The following TMEM74 variants were observed in gnomAD, a reference collection of about 807,000 sequenced individuals.
The protein encoded by TMEM74 is transmembrane protein 74.
Under a neutral mutation model 18.1 loss-of-function variants are expected in TMEM74, and 13 were observed. The observed-to-expected ratio is 0.72, with a 90% CI of 0.47 to 1.14. TMEM74 has a LOEUF of 1.14. Among genes scored for constraint, TMEM74 ranks in the 50% most tolerant of loss-of-function variants. The pLI is 0.00. For missense variants in TMEM74, 372 were observed against 375.9 expected (o/e 0.99, Z 0.09); for synonymous variants, 159 against 146.6 (o/e 1.08, Z -0.61).
chr8:108,645,035 A>G (rs958650160), intron 2 of TMEM74, among the ~76,000 whole-genome samples: 2 of 152,158 alleles, frequency 1.3e-5, no homozygotes, highest in African/African-American at 2.4e-5. Flanking sequence ...CATTCTACCA[A>G]AGAGACACAT....
intron 2 of TMEM74, among the ~76,000 whole-genome samples, chr8:108,650,969 G>A (rs137930158): frequency 6.6e-6 from 1 of 151,904 alleles, no homozygotes; most frequent in Non-Finnish European, 1.5e-5. Context: ...CCTCGGCCTC[G>A]CAAAGTGTTG....
intron 1 of TMEM74, among the ~76,000 whole-genome samples, chr8:108,676,947 G>A (rs1038398047): frequency 6.6e-6 from 1 of 152,250 alleles, no homozygotes; most frequent in Non-Finnish European, 1.5e-5. Flanking sequence ...TCTTATAGAT[G>A]TTGAGGAAAA....
At chr8:108,771,665 G>A (rs1432233370) in intron 1 of TMEM74, among the ~76,000 whole-genome samples, 1 of 152,170 alleles carries the variant, frequency 6.6e-6, no homozygotes, top group Admixed American at 6.5e-5. Context: ...ATGTTTAGTG[G>A]TTGTACAGCA....
chr8:108,624,274 T>C (rs1812471930), intron 2 of TMEM74, among the ~76,000 whole-genome samples: 1 of 152,104 alleles, frequency 6.6e-6, no homozygotes, highest in South Asian at 2.1e-4. Context: ...GCCAGTCAGA[T>C]AGAAAGGTAG....
chr8:108,648,517 T>C (rs1021296559), intron 2 of TMEM74, among the ~76,000 whole-genome samples: 1 of 152,160 alleles, frequency 6.6e-6, no homozygotes, highest in African/African-American at 2.4e-5. Context: ...ACTTTGAAGA[T>C]ATGACTAAGC....
At chr8:108,684,904 C>T (rs989581179) in intron 1 of TMEM74, among the ~76,000 whole-genome samples, 1 of 151,642 alleles carries the variant, frequency 6.6e-6, no homozygotes, top group East Asian at 1.9e-4. Context: ...CTCAAGATTG[C>T]TTTGTCTATT....
chr8:108,651,383 C>A (rs937320612), intron 2 of TMEM74, among the ~76,000 whole-genome samples: 1 of 152,094 alleles, frequency 6.6e-6, no homozygotes, highest in Non-Finnish European at 1.5e-5. Flanking sequence ...TCTCTTTCAT[C>A]TGAATATAGT....
intron 1 of TMEM74, among the ~76,000 whole-genome samples, chr8:108,744,834 C>T (rs1240599826): frequency 6.6e-6 from 1 of 152,034 alleles, no homozygotes; most frequent in Non-Finnish European, 1.5e-5. Flanking sequence ...TGTGGAGGAA[C>T]CCTTTGTAGA....
chr8:108,618,581 G>T (rs1380036528), intron 2 of TMEM74, among the ~76,000 whole-genome samples: 2 of 152,152 alleles, frequency 1.3e-5, no homozygotes. Context: ...CTTCCGTAAA[G>T]GTTTGGTTCT....
chr8:108,721,836 AT>A (rs1274024329), intron 1 of TMEM74, among the ~76,000 whole-genome samples: 4 of 152,310 alleles, frequency 2.6e-5, no homozygotes, highest in African/African-American at 9.6e-5. Context: ...ACAAAGAACC[AT>A]TGATCTGCTT....
chr8:108,614,478 G>A (rs980691332), intron 2 of TMEM74, among the ~76,000 whole-genome samples: 2 of 152,202 alleles, frequency 1.3e-5, no homozygotes, highest in Non-Finnish European at 2.9e-5. Flanking sequence ...AAAGCAAGAT[G>A]AAAGGAGGAA....
chr8:108,649,189 T>C (rs1812748832), intron 2 of TMEM74, among the ~76,000 whole-genome samples: 3 of 152,162 alleles, frequency 2.0e-5, no homozygotes, highest in Admixed American at 2.0e-4. Flanking sequence ...AAGTCTCATC[T>C]TGAGCATGTT....
intron 1 of TMEM74, among the ~76,000 whole-genome samples, chr8:108,749,025 A>G (rs1586283338): frequency 6.6e-6 from 1 of 152,206 alleles, no homozygotes. Context: ...TACAGAGAAT[A>G]TGTTGTTTTG....
At chr8:108,743,295 A>G (rs1480344812) in intron 1 of TMEM74, among the ~76,000 whole-genome samples, 1 of 152,208 alleles carries the variant, frequency 6.6e-6, no homozygotes, top group East Asian at 1.9e-4. Flanking sequence ...AAGTACACTG[A>G]CAATATTCCC....
At chr8:108,675,545 G>A (rs191953405) in intron 1 of TMEM74, among the ~76,000 whole-genome samples, 5 of 152,284 alleles carry the variant, frequency 3.3e-5, no homozygotes, top group Admixed American at 1.3e-4. Context: ...GTGCTCAAAT[G>A]AATGTTGTTT....
chr8:108,635,924 T>C (rs1356729833), intron 2 of TMEM74, among the ~76,000 whole-genome samples: 1 of 152,090 alleles, frequency 6.6e-6, no homozygotes, highest in Non-Finnish European at 1.5e-5. Flanking sequence ...GTGGCTAATT[T>C]TTGTGATGTC....
intron 1 of TMEM74, among the ~76,000 whole-genome samples, chr8:108,753,671 C>T (rs1413183708): frequency 2.0e-5 from 3 of 152,066 alleles, no homozygotes; most frequent in African/African-American, 7.2e-5. Context: ...TAATGTTTGT[C>T]CTTTTCATCT....
intron 1 of TMEM74, among the ~76,000 whole-genome samples, chr8:108,659,341 G>A (rs1292189264): frequency 1.3e-5 from 2 of 151,950 alleles, no homozygotes; most frequent in African/African-American, 4.8e-5. Flanking sequence ...GCTGACTCCT[G>A]TCCAATGTCT....
Position 108,781,773 on chromosome 8 carries a change from C to T in TMEM74, c.*2408G>A, listed in dbSNP as rs1320345714. Among the ~76,000 whole-genome samples the T allele has an allele frequency of 6.6e-6, 1 of 152,114 alleles. No individual in the cohort carries two copies. Among genetic ancestry groups the T allele is most frequent in the Non-Finnish European group, 1.5e-5 (1 of 67,984 alleles). On this transcript the variant is annotated 3_prime_UTR_variant, in exon 2 of 2. Coordinates refer to ENST00000297459, the MANE Select transcript of TMEM74 (RefSeq NM_153015.3). ...TTTTGATGTGTTAGGTCTTTTTCTC[C>T]CCCGTTGAATATTTTTTTTCCAAAA...
Sources: gnomAD v4.1 joint callset for allele counts (sites outside exome capture counted in the v4.1 genomes callset) on GRCh38, gnomAD v4.1.1 for gene constraint, MANE v1.5 for transcripts, NCBI Gene and HGNC (gene_info 2026-07-23, HGNC 2026-07-21) for gene names.